The following CADM2 variants were observed in gnomAD, a reference collection of about 807,000 sequenced individuals.
The protein encoded by CADM2 is cell adhesion molecule 2.
Under a neutral mutation model 49.8 loss-of-function variants are expected in CADM2, and 12 were observed. The observed-to-expected ratio is 0.24, with a 90% CI of 0.15 to 0.39. CADM2 has a LOEUF of 0.39. Among genes scored for constraint, CADM2 ranks in the 10% least tolerant of loss-of-function variants. CADM2 has a pLI of 1.00. For missense variants in CADM2, 378 were observed against 492.3 expected (o/e 0.77, Z 2.20); for synonymous variants, 214 against 175.4 (o/e 1.22, Z -1.74).
At chr3:85,272,004 T>C (rs2043254011) in intron 1 of CADM2, among the ~76,000 whole-genome samples, 1 of 151,230 alleles carries the variant, frequency 6.6e-6, no homozygotes, top group South Asian at 2.1e-4. Flanking sequence ...CTATTTCATC[T>C]AACATTTGAG....
At chr3:85,662,072 T>C (rs955262398) in intron 1 of CADM2, among the ~76,000 whole-genome samples, 1 of 152,070 alleles carries the variant, frequency 6.6e-6, no homozygotes, top group South Asian at 2.1e-4. Flanking sequence ...ATGTATTCTA[T>C]ATGTACCAAA....
At chr3:85,884,372 C>T (rs1713260196) in intron 4 of CADM2, among the ~76,000 whole-genome samples, 1 of 152,132 alleles carries the variant, frequency 6.6e-6, no homozygotes, top group Non-Finnish European at 1.5e-5. Flanking sequence ...TGGTTTTGTG[C>T]ATAGGATATA....
chr3:85,166,061 G>A, intron 1 of CADM2, among the ~76,000 whole-genome samples: 1 of 151,524 alleles, frequency 6.6e-6, no homozygotes, highest in African/African-American at 2.4e-5. Context: ...TAAAGCACAG[G>A]AAGTTTAAAA....
In CADM2 at chr3:85,244,413, T is replaced by C. The variant is rs1053549470; in HGVS notation, c.61+284745T>C. Among the ~76,000 whole-genome samples the C allele has an allele frequency of 5.9e-5, 9 of 152,300 alleles. No homozygotes were observed. The South Asian group carries it at 1.2e-3, about 21-fold the overall frequency. On this transcript the variant is annotated intron_variant, in intron 1 of 9. Coordinates refer to ENST00000383699, the MANE Select transcript of CADM2 (RefSeq NM_001167675.2). ...TAAACCAAATATGCAAATCTTTCTA[T>C]TTATATGTATTTGAGAACTTCAGGT... is the stretch of plus-strand genomic sequence containing the variant.
intron 1 of CADM2, among the ~76,000 whole-genome samples, chr3:85,562,667 T>C (rs1355758530): frequency 1.3e-5 from 2 of 152,070 alleles, no homozygotes; most frequent in Non-Finnish European, 2.9e-5. Flanking sequence ...ATCATCTCTT[T>C]CTCTATTCAC....
intron 5 of CADM2, among the ~76,000 whole-genome samples, chr3:85,895,421 C>T (rs1052735709): frequency 6.6e-6 from 1 of 152,206 alleles, no homozygotes; most frequent in Non-Finnish European, 1.5e-5. Context: ...AATAACTATA[C>T]CCCCATTGTA....
intron 5 of CADM2, among the ~76,000 whole-genome samples, chr3:85,895,236 T>C (rs1245597977): frequency 4.6e-5 from 7 of 152,208 alleles, no homozygotes; most frequent in African/African-American, 1.7e-4. Context: ...CAGTGTGACC[T>C]GGATGTGGGA....
intron 3 of CADM2, among the ~76,000 whole-genome samples, chr3:85,866,310 G>A (rs1161055291): frequency 6.6e-6 from 1 of 152,088 alleles, no homozygotes; most frequent in Admixed American, 6.6e-5. Flanking sequence ...TACCCACCCT[G>A]TTAACTGAGT....
chr3:85,584,265 A>G (rs2062874842), intron 1 of CADM2, among the ~76,000 whole-genome samples: 1 of 152,084 alleles, frequency 6.6e-6, no homozygotes, highest in Admixed American at 6.6e-5. Context: ...AGCAGTCTGT[A>G]GAATACTGAT....
intron 1 of CADM2, among the ~76,000 whole-genome samples, chr3:85,260,678 A>T (rs1389559755): frequency 2.0e-5 from 3 of 152,190 alleles, no homozygotes; most frequent in Non-Finnish European, 4.4e-5. Flanking sequence ...ATAATCGCAG[A>T]TTATTTGCAA....
chr3:85,018,454 C>T (rs576551075), intron 1 of CADM2, among the ~76,000 whole-genome samples: 3 of 152,118 alleles, frequency 2.0e-5, no homozygotes, highest in South Asian at 2.1e-4. Context: ...CTTGGCTCAC[C>T]GCAACCTCTG....
chr3:85,619,371 G>C (rs1447956874), intron 1 of CADM2, among the ~76,000 whole-genome samples: 1 of 151,758 alleles, frequency 6.6e-6, no homozygotes, highest in Non-Finnish European at 1.5e-5. Context: ...AAAGGAAATG[G>C]GGGGACAGAA....
At chr3:85,060,125 TTC>T (rs2036249671) in intron 1 of CADM2, among the ~76,000 whole-genome samples, 1 of 152,104 alleles carries the variant, frequency 6.6e-6, no homozygotes, top group African/African-American at 2.4e-5. Flanking sequence ...ATTTTATTGC[TTC>T]TTTTATTTTA....
intron 1 of CADM2, among the ~76,000 whole-genome samples, chr3:85,625,160 G>T (rs770357600): frequency 6.6e-6 from 1 of 152,044 alleles, no homozygotes; most frequent in African/African-American, 2.4e-5. Context: ...TGATGATGAT[G>T]ATGATGTATC....
chr3:85,479,845 C>A (rs116454827), intron 1 of CADM2, among the ~76,000 whole-genome samples: 146 of 151,990 alleles, frequency 9.6e-4, no homozygotes, highest in African/African-American at 3.5e-3. Flanking sequence ...TTCAAATTCC[C>A]AAATTTCTTA....
At chr3:85,793,892 G>A (rs1479663239) in intron 2 of CADM2, among the ~76,000 whole-genome samples, 1 of 152,116 alleles carries the variant, frequency 6.6e-6, no homozygotes, top group Non-Finnish European at 1.5e-5. Flanking sequence ...GGACAAGGAA[G>A]AAAAGGTAAA....
At chr3:85,428,965 C>A (rs1295379346) in intron 1 of CADM2, among the ~76,000 whole-genome samples, 1 of 151,784 alleles carries the variant, frequency 6.6e-6, no homozygotes, top group Non-Finnish European at 1.5e-5. Context: ...ATTCTCTGAT[C>A]AATACTTTAA....
chr3:85,599,571 T>C (rs1350584019), intron 1 of CADM2, among the ~76,000 whole-genome samples: 1 of 151,990 alleles, frequency 6.6e-6, no homozygotes. Context: ...ATGTTAACAA[T>C]AAAAGTGTAC....
intron 8 of CADM2, among the ~76,000 whole-genome samples, chr3:86,055,649 C>T (rs1737899681): frequency 6.6e-6 from 1 of 151,536 alleles, no homozygotes; most frequent in South Asian, 2.1e-4. Flanking sequence ...TATTTTAGGG[C>T]ACTAATTCCA....
Sources: gnomAD v4.1 joint callset for allele counts (sites outside exome capture counted in the v4.1 genomes callset) on GRCh38, gnomAD v4.1.1 for gene constraint, MANE v1.5 for transcripts, NCBI Gene and HGNC (gene_info 2026-07-23, HGNC 2026-07-21) for gene names.